CNTNAP4: variants seen among roughly 807,000 people sequenced by gnomAD.
The protein encoded by CNTNAP4 is contactin associated protein family member 4, also known as contactin-associated protein-like 4.
A neutral mutation model predicts 148.4 loss-of-function variants in CNTNAP4; 98 were observed. The observed-to-expected ratio is 0.66, with a 90% confidence interval of 0.56 to 0.78. The LOEUF is 0.78. Among genes scored for constraint, CNTNAP4 ranks in the 30% least tolerant of loss-of-function variants. The probability of loss-of-function intolerance (pLI) is 0.00; values close to 1 mark genes in which losing one functional copy is unlikely to be tolerated. For missense variants in CNTNAP4, 1,935 were observed against 1,565.6 expected (o/e 1.24, Z -3.98); for synonymous variants, 730 against 565.1 (o/e 1.29, Z -4.14).
At chr16:76,427,379 A>C in intron 3 of CNTNAP4, 73 bp from the exon 4 acceptor site, 17 of 1,317,564 alleles carry the variant, frequency 1.3e-5, no homozygotes, top group Admixed American at 2.2e-5. Flanking sequence ...CATTGCTAAT[A>C]GACATTATAG....
At position 76,535,736 on chromosome 16, in the gene CNTNAP4, T is replaced by C. The variant is rs1217416420; in HGVS notation, c.2947T>C (p.Phe983Leu). The change falls in exon 18 of 24, where the codon TTT becomes CTT. Residue 983 changes from phenylalanine (F) to leucine (L), a missense_variant. Physicochemically the swap from Phe to Leu is conservative, Grantham distance 22. Coordinates refer to ENST00000611870, the MANE Select transcript of CNTNAP4 (RefSeq NM_033401.5). Reference sequence around the variant, plus strand: ...ATGCAGAGAAAGACCCATTGGGTTCTTTTGTGACTGCACTTTCTCTGCATA... The same window carrying C: ...ATGCAGAGAAAGACCCATTGGGTTCCTTTGTGACTGCACTTTCTCTGCATA... ...GKCRERPIGF[F>L]CDCTFSAYTG... The C allele has an allele frequency of 6.2e-7, 1 of 1,613,984 alleles. No homozygotes were observed. Among genetic ancestry groups the C allele is most frequent in the Non-Finnish European group, 8.5e-7 (1 of 1,179,870 alleles).
chr16:76,385,245 G>A (rs1241476324), intron 3 of CNTNAP4, among the ~76,000 whole-genome samples: 1 of 152,162 alleles, frequency 6.6e-6, no homozygotes, highest in Non-Finnish European at 1.5e-5. Flanking sequence ...CACTTTCCCT[G>A]ACAGTTATGT....
intron 3 of CNTNAP4, among the ~76,000 whole-genome samples, chr16:76,411,860 A>G (rs558982264): frequency 6.6e-6 from 1 of 151,584 alleles, no homozygotes; most frequent in South Asian, 2.1e-4. Context: ...ATAAATGTAT[A>G]TACAACTCAT....
chr16:76,485,429 T>C (rs371753567), intron 12 of CNTNAP4, among the ~76,000 whole-genome samples: 2 of 152,256 alleles, frequency 1.3e-5, no homozygotes, highest in South Asian at 2.1e-4. Context: ...CATTGCTTTT[T>C]CTATAATGAA....
At chr16:76,346,432 T>TA (rs59482710) in intron 2 of CNTNAP4, among the ~76,000 whole-genome samples, 16,585 of 123,652 alleles carry the variant, frequency 0.13, 1,010 homozygotes, top group Middle Eastern at 0.16. Context: ...CTAGGGAAGA[T>TA]AAAAAAAAAA....
intron 1 of CNTNAP4, among the ~76,000 whole-genome samples, chr16:76,298,484 GTA>G (rs1162295508): frequency 0.025 from 3,378 of 134,066 alleles, 122 homozygotes; most frequent in African/African-American, 0.099. Context: ...GTGTGTACAT[GTA>G]TGTGTGTGTG....
At chr16:76,399,004 A>G (rs141133208) in intron 3 of CNTNAP4, among the ~76,000 whole-genome samples, 3,905 of 152,154 alleles carry the variant, frequency 0.026, 153 homozygotes, top group African/African-American at 0.087. Flanking sequence ...GTGGTAGTGA[A>G]TAAGTCTCAC....
At chr16:76,511,996 A>T (rs2083045723) in intron 15 of CNTNAP4, among the ~76,000 whole-genome samples, 1 of 152,128 alleles carries the variant, frequency 6.6e-6, no homozygotes, top group African/African-American at 2.4e-5. Context: ...ATTTGAATAA[A>T]GATTTGAAGA....
In CNTNAP4 at chr16:76,475,923, C is replaced by G. The variant is rs750818742; in HGVS notation, c.1656-16C>G. The G allele has an allele frequency of 1.9e-6, 3 of 1,584,512 alleles. No individual in the cohort carries two copies. In the South Asian group the frequency reaches 3.3e-5, roughly 18 times the overall value. On this transcript the variant is annotated splice_polypyrimidine_tract_variant and intron_variant, in intron 10 of 23. Coordinates refer to ENST00000611870, the MANE Select transcript of CNTNAP4 (RefSeq NM_033401.5). ...TAAAAATGGAAACTGGTGATTGTAT[C>G]TGCACCTTCTTTTAGGTGTTTGCCC...
At chr16:76,481,905 G>C (rs2081845218) in intron 12 of CNTNAP4, among the ~76,000 whole-genome samples, 1 of 152,128 alleles carries the variant, frequency 6.6e-6, no homozygotes, top group African/African-American at 2.4e-5. Context: ...AGAGAGGCAA[G>C]TTGGGTGGGG....
At chr16:76,521,995 C>G in intron 16 of CNTNAP4, 44 bp from the exon 17 acceptor site, 1 of 1,572,790 alleles carries the variant, frequency 6.4e-7, no homozygotes, top group Non-Finnish European at 8.8e-7. Context: ...CGGCACTTCG[C>G]CATAGGAACT....
chr16:76,431,636 C>A (rs563076317), intron 4 of CNTNAP4, among the ~76,000 whole-genome samples: 3 of 152,178 alleles, frequency 2.0e-5, no homozygotes, highest in South Asian at 4.2e-4. Context: ...CCGAAATCAT[C>A]CCACTGCACT....
At chr16:76,448,703 G>A in intron 5 of CNTNAP4, 64 bp from the exon 6 acceptor site, 1 of 1,250,938 alleles carries the variant, frequency 8.0e-7, no homozygotes, top group Non-Finnish European at 1.1e-6. Context: ...TCCACAGAAG[G>A]GAACCTTTTT....
chr16:76,316,621 A>C (rs1265051718), intron 2 of CNTNAP4, 98 bp downstream of exon 2: 9 of 798,986 alleles, frequency 1.1e-5, no homozygotes, highest in Admixed American at 4.5e-5. Flanking sequence ...TGGTAAAAGA[A>C]AGTAAATTTC....
chr16:76,380,707 C>G (rs973257046), intron 3 of CNTNAP4, among the ~76,000 whole-genome samples: 1 of 152,060 alleles, frequency 6.6e-6, no homozygotes, highest in Non-Finnish European at 1.5e-5. Flanking sequence ...GGGCTGTGTT[C>G]TTACCATTAG....
At chr16:76,310,708 A>G (rs1961005493) in intron 1 of CNTNAP4, among the ~76,000 whole-genome samples, 1 of 152,190 alleles carries the variant, frequency 6.6e-6, no homozygotes, top group Admixed American at 6.5e-5. Context: ...ATTAGCAGGC[A>G]TGCAACTAAT....
intron 8 of CNTNAP4, among the ~76,000 whole-genome samples, chr16:76,461,706 C>G (rs1025936539): frequency 5.3e-5 from 8 of 152,174 alleles, no homozygotes; most frequent in African/African-American, 1.9e-4. Flanking sequence ...TGAAATCAAT[C>G]TATGACAAAT....
intron 14 of CNTNAP4, among the ~76,000 whole-genome samples, chr16:76,497,796 A>G: frequency 6.6e-6 from 1 of 152,172 alleles, no homozygotes; most frequent in East Asian, 1.9e-4. Context: ...TACCTGAGTA[A>G]CAAACCTGCA....
intron 3 of CNTNAP4, among the ~76,000 whole-genome samples, chr16:76,363,314 C>T (rs145101226): frequency 7.2e-5 from 11 of 152,014 alleles, no homozygotes; most frequent in African/African-American, 2.4e-4. Context: ...AAGTGTGTGC[C>T]ACCATACCCA....
Sources: allele counts gnomAD v4.1 joint callset (sites outside exome capture counted in the v4.1 genomes callset), GRCh38; gene constraint gnomAD v4.1.1; transcripts MANE v1.5; gene names NCBI Gene and HGNC (gene_info 2026-07-23, HGNC 2026-07-21).